MAP2K4: variants seen among roughly 807,000 people sequenced by gnomAD.
MAP2K4 encodes the protein dual specificity mitogen-activated protein kinase kinase 4.
In MAP2K4, 4 loss-of-function variants were observed where a neutral mutation model predicts 48.5. The ratio of observed to expected loss-of-function variants is 0.08; its 90% CI spans 0.04 to 0.19. MAP2K4 has a LOEUF of 0.19. Ranked by LOEUF, MAP2K4 falls within the 10% of genes least tolerant of loss-of-function variation. MAP2K4 has a pLI of 1.00. For synonymous variants in MAP2K4, 166 were observed against 173.1 expected, an observed-to-expected ratio of 0.96 and a Z score of 0.32; for missense variants, 258 against 493.3, an observed-to-expected ratio of 0.52 and a Z score of 4.52.
intron 9 of MAP2K4, 74 bp from the exon 10 acceptor site, chr17:12,139,765 T>C (rs887340432): frequency 9.6e-7 from 1 of 1,042,074 alleles, no homozygotes; most frequent in Non-Finnish European, 1.5e-6. Context: ...ATTTGTAATA[T>C]TTCATCTGTG....
chr17:12,110,396 T>C lies in MAP2K4; in HGVS notation c.655T>C (p.Leu219=), dbSNP rs1265258782. ...CTAGACTGTGAAAGCACTAAACCACTTAAAAGAAAACTTGAAAATTATTCA... is the reference window on the plus strand; with the variant it reads ...CTAGACTGTGAAAGCACTAAACCACCTAAAAGAAAACTTGAAAATTATTCA... ...TLATVKALNH[L]KENLKIIHRD... is the part of the protein sequence containing the mutation. The change falls in exon 6 of 11, where the codon TTA becomes CTA. Residue 219 remains leucine, a synonymous_variant. Transcript: ENST00000353533. The C allele has an allele frequency of 6.2e-7, 1 of 1,611,236 alleles. No individual in the cohort carries two copies. The highest frequency in any genetic ancestry group is 8.5e-7 in the Non-Finnish European group (1 of 1,177,964).
At chr17:12,111,392 T>A (rs2067096877) in intron 6 of MAP2K4, among the ~76,000 whole-genome samples, 1 of 152,130 alleles carries the variant, frequency 6.6e-6, no homozygotes, top group Admixed American at 6.6e-5. Flanking sequence ...AAATAATATC[T>A]TTTTTTCTTT....
At chr17:12,101,554 C>T (rs1971936683) in intron 4 of MAP2K4, among the ~76,000 whole-genome samples, 2 of 151,972 alleles carry the variant, frequency 1.3e-5, no homozygotes, top group Admixed American at 1.3e-4. Context: ...AAAAAACCAA[C>T]AACAAAAAAA....
intron 4 of MAP2K4, among the ~76,000 whole-genome samples, chr17:12,106,895 G>T (rs564084906): frequency 3.2e-4 from 49 of 151,868 alleles, no homozygotes; most frequent in African/African-American, 1.1e-3. Context: ...TAATGTTGTT[G>T]TATTCCCTTT....
chr17:12,092,188 C>T (rs1473423389), intron 3 of MAP2K4, among the ~76,000 whole-genome samples: 1 of 152,222 alleles, frequency 6.6e-6, no homozygotes, highest in Admixed American at 6.5e-5. Context: ...AGTAAACAGC[C>T]TTATCTAACT....
intron 1 of MAP2K4, among the ~76,000 whole-genome samples, chr17:12,026,572 A>G (rs958463164): frequency 6.6e-6 from 1 of 152,188 alleles, no homozygotes; most frequent in Admixed American, 6.5e-5. Flanking sequence ...ATGAGGGGGT[A>G]GACGTTTATT....
chr17:12,138,315 C>G (rs1448660239), intron 9 of MAP2K4, among the ~76,000 whole-genome samples: 1 of 152,108 alleles, frequency 6.6e-6, no homozygotes, highest in Non-Finnish European at 1.5e-5. Flanking sequence ...AACAAATAGC[C>G]TACTGTCAAC....
intron 1 of MAP2K4, among the ~76,000 whole-genome samples, chr17:12,025,970 G>T (rs936911691): frequency 6.6e-6 from 1 of 152,154 alleles, no homozygotes; most frequent in Non-Finnish European, 1.5e-5. Flanking sequence ...AGAACTGCTT[G>T]CCCTTCCCAG....
intron 1 of MAP2K4, among the ~76,000 whole-genome samples, chr17:12,025,135 G>C (rs1488128690): frequency 1.3e-5 from 2 of 152,172 alleles, no homozygotes; most frequent in Non-Finnish European, 2.9e-5. Context: ...GAAACAAAAG[G>C]ATGTTGAAGT....
rs184948116 is a variant in MAP2K4 at position 12,068,370 on chromosome 17, A to G, written c.219-12986A>G. Among the ~76,000 whole-genome samples the G allele has an allele frequency of 3.9e-4, 59 of 152,334 alleles. No homozygotes were observed. In the East Asian group the frequency reaches 8.3e-3, roughly 21 times the overall value. On this transcript the variant is annotated intron_variant, in intron 2 of 10. Coordinates refer to ENST00000353533, the MANE Select transcript of MAP2K4 (RefSeq NM_003010.4). The stretch of plus-strand genomic sequence containing the variant: ...ATTCTGGCTGCCGTGTGGACTATGT[A>G]CTGAAAGGAGGTAAGAATATAGTTA...
In MAP2K4 at chr17:12,125,274, C is replaced by T. The variant is rs767565017; in HGVS notation, c.814-20C>T. ...TGAGTGTAAGGCAATTAATAACTTA[C>T]ACTTGTCTTTATGTTCCAGCCTGAA... On this transcript the variant is annotated intron_variant, in intron 7 of 10. Transcript: ENST00000353533. 1 of 1,598,938 alleles carries T rather than the reference C, an allele frequency of 6.3e-7. No homozygotes were observed. The highest frequency in any genetic ancestry group is 1.7e-5 in the Admixed American group (1 of 60,000).
chr17:12,050,164 CTT>C (rs1470588387), intron 1 of MAP2K4, among the ~76,000 whole-genome samples: 1 of 152,124 alleles, frequency 6.6e-6, no homozygotes, highest in Non-Finnish European at 1.5e-5. Flanking sequence ...GTAACAGAAT[CTT>C]GCTTTCCTGT....
intron 1 of MAP2K4, among the ~76,000 whole-genome samples, chr17:12,038,386 C>G (rs1404702088): frequency 1.3e-5 from 2 of 151,948 alleles, no homozygotes; most frequent in Admixed American, 6.6e-5. Context: ...GGTAGAAATG[C>G]CAAATGAACG....
chr17:12,088,520 G>T (rs1364144392), intron 3 of MAP2K4, among the ~76,000 whole-genome samples: 5 of 97,064 alleles, frequency 5.2e-5, no homozygotes, highest in Non-Finnish European at 1.1e-4. Context: ...TAATATGTAT[G>T]TAATATATAA....
chr17:12,027,545 G>A (rs892647546), intron 1 of MAP2K4, among the ~76,000 whole-genome samples: 11 of 152,038 alleles, frequency 7.2e-5, no homozygotes, highest in African/African-American at 2.4e-4. Flanking sequence ...ATCAAGCAAA[G>A]TGTTACCAGA....
chr17:12,088,550 AAT>A (rs1971452079), intron 3 of MAP2K4, among the ~76,000 whole-genome samples: 1 of 63,844 alleles, frequency 1.6e-5, no homozygotes, highest in Non-Finnish European at 3.8e-5. Context: ...AATTATATCT[AAT>A]ATATAATATA....
intron 3 of MAP2K4, among the ~76,000 whole-genome samples, chr17:12,092,792 C>T (rs891570505): frequency 3.9e-5 from 6 of 152,090 alleles, no homozygotes; most frequent in African/African-American, 4.8e-5. Context: ...TTTGGGAGGC[C>T]GAGGCAGGCG....
chr17:12,023,608 T>TC (rs1433812077), intron 1 of MAP2K4, among the ~76,000 whole-genome samples: 1 of 152,218 alleles, frequency 6.6e-6, no homozygotes, highest in Non-Finnish European at 1.5e-5. Flanking sequence ...ACATTGGACA[T>TC]CCTCTTATGT....
chr17:12,054,513 T>A (rs1027247398), intron 1 of MAP2K4, among the ~76,000 whole-genome samples: 1 of 152,138 alleles, frequency 6.6e-6, no homozygotes, highest in Non-Finnish European at 1.5e-5. Flanking sequence ...TTTATTAAAC[T>A]GAGGGCATTA....
Sources: gnomAD v4.1 joint callset for allele counts (sites outside exome capture counted in the v4.1 genomes callset) on GRCh38, gnomAD v4.1.1 for gene constraint, MANE v1.5 for transcripts, NCBI Gene and HGNC (gene_info 2026-07-23, HGNC 2026-07-21) for gene names.